CSMD3: variants seen among roughly 807,000 people sequenced by gnomAD.
CSMD3 encodes CUB and Sushi multiple domains 3, also known as CUB and sushi domain-containing protein 3.
Under a neutral mutation model 435.2 loss-of-function variants are expected in CSMD3, and 177 were observed. The observed-to-expected ratio is 0.41, with a 90% confidence interval of 0.36 to 0.46. The LOEUF is 0.46. Ranked by LOEUF, CSMD3 falls within the 20% of genes least tolerant of loss-of-function variation. The pLI, the probability that CSMD3 is intolerant of heterozygous loss-of-function variation, is 0.34. For synonymous variants in CSMD3, 1,656 were observed against 1,520.5 expected (o/e 1.09, Z -2.07); for missense variants, 4,265 against 4,504.6 (o/e 0.95, Z 1.52).
chr8:112,801,364 A>AC, intron 12 of CSMD3, among the ~76,000 whole-genome samples: 1 of 152,130 alleles, frequency 6.6e-6, no homozygotes, highest in South Asian at 2.1e-4. Flanking sequence ...ATTAAAACAA[A>AC]CCTCATTTGC....
chr8:112,390,852 AG>A, intron 35 of CSMD3, 64 bp from the exon 36 acceptor site: 1 of 1,454,136 alleles, frequency 6.9e-7, no homozygotes, highest in East Asian at 2.3e-5. Flanking sequence ...ATAAGAGTAA[AG>A]GTCAGAGATA....
chr8:112,525,637 C>A (rs372367754), intron 27 of CSMD3, among the ~76,000 whole-genome samples: 6 of 148,794 alleles, frequency 4.0e-5, no homozygotes, highest in Admixed American at 2.7e-4. Context: ...AGGAGAATGG[C>A]GTGAACCCAG....
At chr8:113,358,010 A>G (rs569421163) in intron 1 of CSMD3, among the ~76,000 whole-genome samples, 1 of 152,230 alleles carries the variant, frequency 6.6e-6, no homozygotes, top group African/African-American at 2.4e-5. Context: ...GAACAGACTA[A>G]TACCGAGTAT....
At chr8:112,410,985 G>A (rs935126562) in intron 32 of CSMD3, among the ~76,000 whole-genome samples, 5 of 139,456 alleles carry the variant, frequency 3.6e-5, no homozygotes, top group South Asian at 2.4e-4. Flanking sequence ...GTACAATACC[G>A]CATCCTTTAA....
At position 113,156,534 on chromosome 8, in the gene CSMD3, T is replaced by C. The variant is rs2091931749; in HGVS notation, c.709+17188A>G. Among the ~76,000 whole-genome samples the C allele has an allele frequency of 5.3e-5, 8 of 152,020 alleles. No individual in the cohort carries two copies. In the South Asian group the frequency reaches 1.7e-3, roughly 32 times the overall value. On this transcript the variant is annotated intron_variant, in intron 4 of 70. Coordinates refer to ENST00000297405, the MANE Select transcript of CSMD3 (RefSeq NM_198123.2). Reference sequence around the variant, plus strand: ...TATATTGTTAGAAGTTCTTGTCTACTCTTTCTCTTTTTATTACTGTAATTT... The same window carrying C: ...TATATTGTTAGAAGTTCTTGTCTACCCTTTCTCTTTTTATTACTGTAATTT...
intron 10 of CSMD3, among the ~76,000 whole-genome samples, chr8:112,885,620 T>C (rs1306171044): frequency 1.3e-5 from 2 of 151,848 alleles, no homozygotes; most frequent in Non-Finnish European, 2.9e-5. Context: ...AAAAACACTG[T>C]GTAATAAAAG....
At chr8:112,624,160 C>T (rs962171387) in intron 22 of CSMD3, among the ~76,000 whole-genome samples, 1 of 152,008 alleles carries the variant, frequency 6.6e-6, no homozygotes, top group Non-Finnish European at 1.5e-5. Flanking sequence ...ATATTCACTA[C>T]AATTTAATCT....
chr8:112,741,872 A>G (rs1236880206), intron 13 of CSMD3, among the ~76,000 whole-genome samples: 1 of 151,904 alleles, frequency 6.6e-6, no homozygotes, highest in Non-Finnish European at 1.5e-5. Context: ...AGGATTGAAT[A>G]AGAATTAAAA....
At chr8:112,917,369 T>C (rs2082604416) in intron 10 of CSMD3, among the ~76,000 whole-genome samples, 1 of 151,808 alleles carries the variant, frequency 6.6e-6, no homozygotes, top group Admixed American at 6.6e-5. Context: ...TAGGAAAGAA[T>C]TTTTGTAGGA....
chr8:112,379,043 A>G (rs1829224184), intron 38 of CSMD3, among the ~76,000 whole-genome samples: 2 of 152,240 alleles, frequency 1.3e-5, no homozygotes, highest in African/African-American at 2.4e-5. Flanking sequence ...ATCAGTTGTA[A>G]TTTCTATATA....
At chr8:112,706,313 A>C (rs1246729309) in intron 13 of CSMD3, among the ~76,000 whole-genome samples, 1 of 152,144 alleles carries the variant, frequency 6.6e-6, no homozygotes, top group African/African-American at 2.4e-5. Context: ...AAGACAATTT[A>C]TTATTGCCTA....
chr8:112,929,017 T>C (rs1397124151), intron 9 of CSMD3, among the ~76,000 whole-genome samples: 61 of 147,230 alleles, frequency 4.1e-4, no homozygotes, highest in African/African-American at 1.5e-3. Context: ...GTGGTTTTGA[T>C]TTGCATTTCT....
At chr8:113,298,370 T>TTA (rs2093738188) in intron 2 of CSMD3, among the ~76,000 whole-genome samples, 1 of 152,144 alleles carries the variant, frequency 6.6e-6, no homozygotes, top group African/African-American at 2.4e-5. Flanking sequence ...GGGATTCATT[T>TTA]TATAACATTA....
chr8:113,361,579 G>T (rs1315357060), intron 1 of CSMD3, among the ~76,000 whole-genome samples: 2 of 151,982 alleles, frequency 1.3e-5, no homozygotes, highest in Non-Finnish European at 1.5e-5. Context: ...AGTTAGACAA[G>T]ACAGTGTATC....
intron 61 of CSMD3, among the ~76,000 whole-genome samples, chr8:112,259,820 T>C (rs950836644): frequency 2.0e-5 from 3 of 152,194 alleles, no homozygotes; most frequent in African/African-American, 7.2e-5. Flanking sequence ...ACATTTTGAA[T>C]TAATACATGC....
intron 13 of CSMD3, among the ~76,000 whole-genome samples, chr8:112,735,520 T>C (rs1304358800): frequency 2.0e-5 from 3 of 152,060 alleles, no homozygotes; most frequent in Non-Finnish European, 4.4e-5. Flanking sequence ...TATAATTTTA[T>C]GTTCCAGTAT....
At chr8:112,338,565 T>A (rs1390105589) in intron 42 of CSMD3, among the ~76,000 whole-genome samples, 2 of 152,164 alleles carry the variant, frequency 1.3e-5, no homozygotes, top group African/African-American at 4.8e-5. Context: ...AATCAAAGAC[T>A]ACTTCTCTAC....
chr8:112,696,552 T>C (rs1225781109), intron 13 of CSMD3, among the ~76,000 whole-genome samples: 1 of 152,166 alleles, frequency 6.6e-6, no homozygotes, highest in East Asian at 1.9e-4. Context: ...ATCCCTTCCT[T>C]ACACCTTATA....
At chr8:113,369,404 T>C (rs2133042417) in intron 1 of CSMD3, among the ~76,000 whole-genome samples, 1 of 152,040 alleles carries the variant, frequency 6.6e-6, no homozygotes, top group African/African-American at 2.4e-5. Context: ...AGATAAAAGA[T>C]GATTTCTGGT....
Sources: allele counts gnomAD v4.1 joint callset (sites outside exome capture counted in the v4.1 genomes callset), GRCh38; gene constraint gnomAD v4.1.1; transcripts MANE v1.5; gene names NCBI Gene and HGNC (gene_info 2026-07-23, HGNC 2026-07-21).